The following AGPAT5 variants were observed in gnomAD, a reference collection of about 807,000 sequenced individuals.
The protein encoded by AGPAT5 is 1-acyl-sn-glycerol-3-phosphate acyltransferase epsilon.
A neutral mutation model predicts 45.6 loss-of-function variants in AGPAT5; 46 were observed. The observed-to-expected ratio is 1.01, with a 90% CI of 0.80 to 1.29. The LOEUF (loss-of-function observed/expected upper bound fraction) is 1.29. Among genes scored for constraint, AGPAT5 ranks in the 50% most tolerant of loss-of-function variants. The probability of loss-of-function intolerance (pLI) is 0.00; values close to 1 mark genes in which losing one functional copy is unlikely to be tolerated. For missense variants in AGPAT5, 673 were observed against 450.7 expected (o/e 1.49, Z -4.47); for synonymous variants, 272 against 167.0 (o/e 1.63, Z -4.85).
chr8:6,734,074 T>G (rs1400724472), intron 4 of AGPAT5, among the ~76,000 whole-genome samples: 1 of 152,216 alleles, frequency 6.6e-6, no homozygotes, highest in Non-Finnish European at 1.5e-5. Flanking sequence ...TTAAAAATTT[T>G]TACCTGGATT....
intron 4 of AGPAT5, among the ~76,000 whole-genome samples, chr8:6,741,259 G>A (rs1801236314): frequency 6.6e-6 from 1 of 152,026 alleles, no homozygotes; most frequent in Non-Finnish European, 1.5e-5. Flanking sequence ...TTTAGTGTTG[G>A]TACTTAACGA....
intron 4 of AGPAT5, among the ~76,000 whole-genome samples, chr8:6,741,193 T>G (rs1801234500): frequency 6.6e-6 from 1 of 152,104 alleles, no homozygotes; most frequent in South Asian, 2.1e-4. Context: ...TGTGAACATT[T>G]AGAACGTTTC....
intron 6 of AGPAT5, among the ~76,000 whole-genome samples, 177 bp from the exon 7 acceptor site, chr8:6,754,874 C>G (rs541300952): frequency 1.3e-5 from 2 of 152,254 alleles, no homozygotes; most frequent in African/African-American, 2.4e-5. Flanking sequence ...GCTTGAAACC[C>G]CCAACCACCA....
At chr8:6,728,643 T>C (rs552761428) in intron 2 of AGPAT5, among the ~76,000 whole-genome samples, 1 of 151,970 alleles carries the variant, frequency 6.6e-6, no homozygotes, top group South Asian at 2.1e-4. Flanking sequence ...AAAAAAATTA[T>C]TGCAGGAAAA....
chr8:6,747,948 G>A lies in AGPAT5; in HGVS notation c.745+120G>A, dbSNP rs1039885591. 6.8e-6 allele frequency: 7 copies of A among 1,026,542 alleles called. No individual in the cohort carries two copies. The South Asian group carries it at 8.2e-5, about 12-fold the overall frequency. 63.6% of individuals were successfully genotyped at this position (1,026,542 alleles called of 1,614,324 possible). A position where few individuals can be genotyped will look rare whatever the true frequency, so the allele number is the denominator to read the frequency against. On this transcript the variant is annotated intron_variant, in intron 6 of 7. Transcript: ENST00000285518. Reference sequence around the variant, plus strand: ...TTTTTTCCTTCATTACATTTACCCGGTATATTTTTCAAGATGTTATTAAGA... The same window carrying A: ...TTTTTTCCTTCATTACATTTACCCGATATATTTTTCAAGATGTTATTAAGA...
In AGPAT5 at chr8:6,708,936, G is replaced by C. The variant is rs531899292; in HGVS notation, c.219+49G>C. On this transcript the variant is annotated intron_variant, in intron 1 of 7. Coordinates refer to ENST00000285518, the MANE Select transcript of AGPAT5 (RefSeq NM_018361.5). The stretch of plus-strand genomic sequence containing the variant: ...TCTCGGCGTCCACCCGAGCTCCCGG[G>C]GGCGCGGACCTCTCCGCTCCCCCAC... The C allele has an allele frequency of 8.4e-6, 13 of 1,547,130 alleles. No individual in the cohort carries two copies. The Admixed American group carries it at 1.5e-4, about 18-fold the overall frequency.
At chr8:6,742,770 A>C (rs1801281983) in intron 5 of AGPAT5, among the ~76,000 whole-genome samples, 1 of 152,232 alleles carries the variant, frequency 6.6e-6, no homozygotes, top group Non-Finnish European at 1.5e-5. Context: ...CATTTGTAAC[A>C]GTACTTTTAA....
intron 2 of AGPAT5, among the ~76,000 whole-genome samples, chr8:6,727,527 A>G (rs192260076): frequency 2.0e-4 from 31 of 152,080 alleles, no homozygotes; most frequent in African/African-American, 6.7e-4. Context: ...GATTACAGAC[A>G]TGCACCACCA....
chr8:6,711,412 T>C lies in AGPAT5; in HGVS notation c.219+2525T>C, dbSNP rs7842314. ...GTTCCTTATAACTCGTTTATCCTTT[T>C]AGGTCCTTCCAGAATCTCTCATTGG... is the stretch of plus-strand genomic sequence containing the variant. On this transcript the variant is annotated intron_variant, in intron 1 of 7. Transcript: ENST00000285518. Among the ~76,000 whole-genome samples, 1,270 of 152,384 alleles carry C rather than the reference T, an allele frequency of 8.3e-3. 23 individuals are homozygous for C. Among genetic ancestry groups the C allele is most frequent in the African/African-American group, 0.029 (1,192 of 41,592 alleles).
At chr8:6,708,983 C>T (rs1320560604) in intron 1 of AGPAT5, 96 bp downstream of exon 1, 3 of 1,227,092 alleles carry the variant, frequency 2.4e-6, no homozygotes, top group Non-Finnish European at 2.3e-6. Context: ...GTCACCCGGC[C>T]GGCCCGGCGG....
intron 1 of AGPAT5, among the ~76,000 whole-genome samples, chr8:6,722,237 T>A (rs1800526336): frequency 6.6e-6 from 1 of 152,232 alleles, no homozygotes; most frequent in Non-Finnish European, 1.5e-5. Context: ...ATTTATGTCC[T>A]GCCTTAGGCA....
chr8:6,744,389 C>A (rs1217823266), intron 5 of AGPAT5, among the ~76,000 whole-genome samples: 1 of 152,210 alleles, frequency 6.6e-6, no homozygotes, highest in African/African-American at 2.4e-5. Flanking sequence ...TGGCTGCTCT[C>A]AGGCAGGGCC....
chr8:6,747,297 G>A (rs928980041), intron 5 of AGPAT5, among the ~76,000 whole-genome samples: 4 of 152,202 alleles, frequency 2.6e-5, no homozygotes, highest in African/African-American at 9.7e-5. Context: ...CTGTGTGACT[G>A]TATTTCTAGG....
At chr8:6,755,915 C>G (rs1377498971) in intron 7 of AGPAT5, among the ~76,000 whole-genome samples, 6 of 152,096 alleles carry the variant, frequency 3.9e-5, no homozygotes, top group African/African-American at 9.7e-5. Context: ...CCATTCAGGA[C>G]CACTTTGGCC....
At chr8:6,750,679 C>T (rs1347485257) in intron 6 of AGPAT5, among the ~76,000 whole-genome samples, 1 of 151,224 alleles carries the variant, frequency 6.6e-6, no homozygotes, top group Non-Finnish European at 1.5e-5. Flanking sequence ...CACATTTAAC[C>T]TCATTCATGA....
chr8:6,732,176 G>A (rs1221209069), intron 3 of AGPAT5, among the ~76,000 whole-genome samples: 1 of 57,226 alleles, frequency 1.7e-5, no homozygotes, highest in African/African-American at 2.0e-4. Flanking sequence ...TAAAGATCGT[G>A]AGACATGTTA....
chr8:6,737,061 A>G (rs532191122), intron 4 of AGPAT5, among the ~76,000 whole-genome samples: 2 of 152,338 alleles, frequency 1.3e-5, no homozygotes, highest in African/African-American at 4.8e-5. Flanking sequence ...GGTTGATTCA[A>G]ATAACCTAGT....
chr8:6,753,829 G>A (rs1442055137), intron 6 of AGPAT5, among the ~76,000 whole-genome samples: 1 of 152,178 alleles, frequency 6.6e-6, no homozygotes, highest in African/African-American at 2.4e-5. Context: ...GTTTACTCCT[G>A]GAAGTGTGTA....
In AGPAT5 at chr8:6,729,504, T is replaced by C. The variant is rs916036367; in HGVS notation, c.290-1207T>C. Among the ~76,000 whole-genome samples, 5 of 63,090 alleles carry C rather than the reference T, an allele frequency of 7.9e-5. No individual in the cohort carries two copies. In the African/African-American group the frequency reaches 8.7e-4, roughly 11 times the overall value. 41.4% of individuals were successfully genotyped at this position (63,090 alleles called of 152,430 possible). On this transcript the variant is annotated intron_variant, in intron 2 of 7. Coordinates refer to ENST00000285518, the MANE Select transcript of AGPAT5 (RefSeq NM_018361.5). ...CATGTGTGTATTAACTAGAGAAGTC[T>C]CCCTTACATTTCATTTTTATGTTTT...
Sources: gnomAD v4.1 joint callset for allele counts (sites outside exome capture counted in the v4.1 genomes callset) on GRCh38, gnomAD v4.1.1 for gene constraint, MANE v1.5 for transcripts, NCBI Gene and HGNC (gene_info 2026-07-23, HGNC 2026-07-21) for gene names.